ACOT12: variants seen among roughly 807,000 people sequenced by gnomAD.
ACOT12 encodes the protein acyl-CoA thioesterase 12, also known as acetyl-coenzyme A thioesterase.
ACOT12 carries 51 observed loss-of-function variants against 67.7 expected under a neutral mutation model. The observed-to-expected ratio is 0.75, with a 90% CI of 0.60 to 0.95. ACOT12 has a LOEUF of 0.95. Ranked by LOEUF, ACOT12 falls within the 40% of genes least tolerant of loss-of-function variation. The probability of loss-of-function intolerance (pLI) is 0.00; values close to 1 mark genes in which losing one functional copy is unlikely to be tolerated. For synonymous variants in ACOT12, 251 were observed against 244.6 expected, an observed-to-expected ratio of 1.03 and a Z score of -0.24; for missense variants, 734 against 708.1, an observed-to-expected ratio of 1.04 and a Z score of -0.41.
At chr5:81,337,680 A>T (rs1759047053) in intron 11 of ACOT12, among the ~76,000 whole-genome samples, 1 of 152,214 alleles carries the variant, frequency 6.6e-6, no homozygotes, top group Non-Finnish European at 1.5e-5. Flanking sequence ...CAAGCATGGA[A>T]CAGATTGTCC....
At chr5:81,354,861 G>A (rs1377647687) in intron 5 of ACOT12, among the ~76,000 whole-genome samples, 4 of 151,820 alleles carry the variant, frequency 2.6e-5, no homozygotes, top group South Asian at 2.1e-4. Context: ...GCACCACCAC[G>A]CCTGGCTAAT....
intron 5 of ACOT12, among the ~76,000 whole-genome samples, chr5:81,356,805 T>A (rs941583497): frequency 5.3e-5 from 8 of 151,936 alleles, no homozygotes; most frequent in Non-Finnish European, 8.8e-5. Context: ...CTTTCCCTCC[T>A]GTCTCTCCCC....
At chr5:81,386,709 AT>A (rs1186588625) in intron 1 of ACOT12, among the ~76,000 whole-genome samples, 6 of 152,146 alleles carry the variant, frequency 3.9e-5, no homozygotes, top group Non-Finnish European at 4.4e-5. Flanking sequence ...AAAAGAGTGA[AT>A]TACACTGAAT....
In ACOT12 at chr5:81,367,490, A is replaced by G. The variant is rs57743432; in HGVS notation, c.259-3601T>C. On this transcript the variant is annotated intron_variant, in intron 3 of 14. Transcript: ENST00000307624. ...ATTACACTATACTCAAAGGGATATTATATTATTCGAAGGTAGTCTCAGATA... is the reference window on the plus strand; with the variant it reads ...ATTACACTATACTCAAAGGGATATTGTATTATTCGAAGGTAGTCTCAGATA... Among the ~76,000 whole-genome samples the G allele has an allele frequency of 6.2e-3, 940 of 152,318 alleles. 9 individuals are homozygous for G. Among genetic ancestry groups the G allele is most frequent in the African/African-American group, 0.022 (905 of 41,564 alleles).
At chr5:81,370,146 C>T (rs1003399999) in intron 3 of ACOT12, among the ~76,000 whole-genome samples, 2 of 152,026 alleles carry the variant, frequency 1.3e-5, no homozygotes, top group Non-Finnish European at 2.9e-5. Flanking sequence ...TGGTGGCATG[C>T]ACCTGTAATC....
intron 11 of ACOT12, among the ~76,000 whole-genome samples, chr5:81,339,320 C>T (rs1008976459): frequency 1.3e-5 from 2 of 152,200 alleles, no homozygotes; most frequent in African/African-American, 4.8e-5. Context: ...AGAATAGCTC[C>T]CCTCTGGTCT....
the ACOT12 span, among the ~76,000 whole-genome samples, chr5:81,310,805 T>C: frequency 2.0e-5 from 3 of 152,206 alleles, no homozygotes; most frequent in Non-Finnish European, 2.9e-5. Flanking sequence ...TTTTGGGCCA[T>C]TGACTGTTTG....
intron 5 of ACOT12, among the ~76,000 whole-genome samples, chr5:81,358,418 G>A (rs1434755311): frequency 2.0e-5 from 3 of 152,204 alleles, no homozygotes; most frequent in Non-Finnish European, 4.4e-5. Flanking sequence ...GCTTCTCTTG[G>A]TTCTCTTGGT....
At chr5:81,335,489 C>T (rs181208332) in intron 12 of ACOT12, among the ~76,000 whole-genome samples, 9 of 152,194 alleles carry the variant, frequency 5.9e-5, no homozygotes, top group Admixed American at 1.3e-4. Context: ...CTGGGTCTCC[C>T]GGGTAGCTAG....
intron 2 of ACOT12, among the ~76,000 whole-genome samples, chr5:81,379,905 A>G (rs1386999789): frequency 1.3e-5 from 2 of 152,130 alleles, no homozygotes; most frequent in East Asian, 1.9e-4. Context: ...GCCCAGATAT[A>G]TTAAAGACAG....
rs1760942792 is a variant in ACOT12, at chr5:81,394,108, G to A, written c.7C>T (p.Arg3Trp). ME[R>W]PAPGEVVMSQ... ...ATGACCACCTCGCCGGGCGCCGGCC[G>A]CTCCATGGCCAGGGCGAGAGCGCTA... is the stretch of plus-strand genomic sequence containing the variant. The change falls in exon 1 of 15, where the codon CGG becomes TGG. Residue 3 changes from arginine to tryptophan, a missense_variant. Physicochemically the swap from Arg to Trp is moderately radical, Grantham distance 101. Coordinates refer to ENST00000307624, the MANE Select transcript of ACOT12 (RefSeq NM_130767.3). 1 of 1,450,074 alleles carries A rather than the reference G, an allele frequency of 6.9e-7. No individual in the cohort carries two copies. The highest frequency in any genetic ancestry group is 9.0e-7 in the Non-Finnish European group (1 of 1,105,646). 89.8% of individuals were successfully genotyped at this position (1,450,074 alleles called of 1,614,324 possible). A position where few individuals can be genotyped will look rare whatever the true frequency, so the allele number is the denominator to read the frequency against.
chr5:81,336,418 C>T (rs760467758), intron 11 of ACOT12, among the ~76,000 whole-genome samples: 2 of 152,086 alleles, frequency 1.3e-5, no homozygotes, highest in Admixed American at 1.3e-4. Flanking sequence ...TAGCAGGGCC[C>T]CTGGAGCACC....
Position 81,394,129 on chromosome 5 carries a change from C to A in ACOT12, c.-15G>T, listed in dbSNP as rs760604143. 7.8e-6 allele frequency: 11 copies of A among 1,417,710 alleles called. No individual in the cohort carries two copies. In the South Asian group the frequency reaches 1.6e-4, roughly 21 times the overall value. 87.8% of individuals were successfully genotyped at this position (1,417,710 alleles called of 1,614,324 possible). A position where few individuals can be genotyped will look rare whatever the true frequency, so the allele number is the denominator to read the frequency against. On this transcript the variant is annotated 5_prime_UTR_variant, in exon 1 of 15. Transcript: ENST00000307624. The stretch of plus-strand genomic sequence containing the variant: ...GGCCGCTCCATGGCCAGGGCGAGAG[C>A]GCTACGCCTGCGGCCCCCGACACCC...
At chr5:81,368,191 C>A (rs1447115359) in intron 3 of ACOT12, among the ~76,000 whole-genome samples, 1 of 152,068 alleles carries the variant, frequency 6.6e-6, no homozygotes, top group Non-Finnish European at 1.5e-5. Flanking sequence ...ATTTGAGAGG[C>A]TGAGGCAAGA....
At chr5:81,358,721 C>T (rs1003651891) in intron 5 of ACOT12, among the ~76,000 whole-genome samples, 13 of 151,988 alleles carry the variant, frequency 8.6e-5, no homozygotes, top group Admixed American at 2.0e-4. Context: ...TGGTGGCACG[C>T]GCCTATAATC....
chr5:81,364,776 C>A (rs1364436848), intron 3 of ACOT12, among the ~76,000 whole-genome samples: 1 of 152,168 alleles, frequency 6.6e-6, no homozygotes, highest in African/African-American at 2.4e-5. Flanking sequence ...TTTTAAATTT[C>A]ATGATTACTA....
At chr5:81,358,781 A>G (rs896910145) in intron 5 of ACOT12, among the ~76,000 whole-genome samples, 3 of 152,066 alleles carry the variant, frequency 2.0e-5, no homozygotes, top group African/African-American at 7.2e-5. Flanking sequence ...CCTGGGAGGC[A>G]TAGGTTGCAG....
intron 2 of ACOT12, among the ~76,000 whole-genome samples, chr5:81,375,270 C>T (rs564727603): frequency 2.0e-4 from 30 of 152,226 alleles, no homozygotes; most frequent in African/African-American, 6.7e-4. Context: ...GAAATAAAAT[C>T]CTTTACAGGC....
At chr5:81,367,435 G>A (rs1434623268) in intron 3 of ACOT12, among the ~76,000 whole-genome samples, 1 of 152,174 alleles carries the variant, frequency 6.6e-6, no homozygotes, top group Non-Finnish European at 1.5e-5. Flanking sequence ...TGGGACATGG[G>A]AAGGGAAGTG....
Sources: allele counts gnomAD v4.1 joint callset (sites outside exome capture counted in the v4.1 genomes callset), GRCh38; gene constraint gnomAD v4.1.1; transcripts MANE v1.5; gene names NCBI Gene and HGNC (gene_info 2026-07-23, HGNC 2026-07-21).